The following MYO3A variants were observed in gnomAD, a reference collection of about 807,000 sequenced individuals.
MYO3A encodes the protein myosin-IIIa.
In MYO3A, 180 loss-of-function variants were observed where a neutral mutation model predicts 192.7. The observed-to-expected ratio is 0.93, with a 90% CI of 0.83 to 1.06. The LOEUF (loss-of-function observed/expected upper bound fraction) is 1.06, where lower values mean the gene tolerates loss of function less well. Ranked by LOEUF, MYO3A falls within the 50% of genes least tolerant of loss-of-function variation. The pLI, the probability that MYO3A is intolerant of heterozygous loss-of-function variation, is 0.00. For synonymous variants in MYO3A, 628 were observed against 645.3 expected, an observed-to-expected ratio of 0.97 and a Z score of 0.41; for missense variants, 1,896 against 1,905.0, an observed-to-expected ratio of 1.00 and a Z score of 0.09.
chr10:26,134,541 A>G (rs184694406), intron 20 of MYO3A, among the ~76,000 whole-genome samples: 59 of 152,338 alleles, frequency 3.9e-4, no homozygotes, highest in African/African-American at 1.4e-3. Context: ...ATAGAAAGAG[A>G]GAATGAAAAA....
chr10:25,988,920 A>G (rs531637979), intron 4 of MYO3A, among the ~76,000 whole-genome samples: 11 of 150,692 alleles, frequency 7.3e-5, no homozygotes, highest in African/African-American at 2.7e-4. Context: ...TTAGAAGTTT[A>G]AAACACAGCC....
intron 10 of MYO3A, among the ~76,000 whole-genome samples, chr10:26,045,366 TTAGATAGATAGA>T (rs3057671): frequency 0.033 from 4,708 of 142,666 alleles, 177 homozygotes; most frequent in African/African-American, 0.09. Flanking sequence ...ATGGGTGGCA[TTAGATAGATAGA>T]TAGATAGATA....
chr10:26,088,251 G>T lies in MYO3A; in HGVS notation c.1408G>T (p.Val470Leu). Reference protein sequence around the residue: ...QEKILQVNNLVEAFGNACTII... With the variant: ...QEKILQVNNLLEAFGNACTII... ...GAAGATTTTACAAGTGAACAATTTG[G>T]TAGAAGCCTTTGGCAATGCCTGCAC... Residue 470 changes from valine to leucine, a missense_variant, in exon 15 of 35, where the codon GTA (valine) becomes TTA (leucine). Val to Leu is a conservative substitution (Grantham distance 32). Coordinates refer to ENST00000642920, the MANE Select transcript of MYO3A (RefSeq NM_017433.5). 6.2e-7 allele frequency: 1 copy of T among 1,613,320 alleles called. No homozygotes were observed. The highest frequency in any genetic ancestry group is 1.1e-5 in the South Asian group (1 of 90,968).
At chr10:26,006,438 A>G (rs1183660260) in intron 6 of MYO3A, among the ~76,000 whole-genome samples, 1 of 152,206 alleles carries the variant, frequency 6.6e-6, no homozygotes, top group Non-Finnish European at 1.5e-5. Context: ...TAATGAATCC[A>G]GGAGCTGGTT....
intron 26 of MYO3A, among the ~76,000 whole-genome samples, chr10:26,158,405 A>T (rs939910179): frequency 3.3e-5 from 5 of 151,986 alleles, no homozygotes; most frequent in Admixed American, 6.5e-5. Context: ...GGTGCCCACC[A>T]CCATGCCCAG....
At chr10:26,081,138 C>CCCCCTT (rs1564529085) in intron 14 of MYO3A, among the ~76,000 whole-genome samples, 4 of 105,376 alleles carry the variant, frequency 3.8e-5, no homozygotes, top group African/African-American at 1.2e-4. Context: ...GCCCTTCCCC[C>CCCCCTT]CCCCCCCGCC....
chr10:26,187,409 C>T (rs1011162210), intron 31 of MYO3A, among the ~76,000 whole-genome samples: 1 of 152,254 alleles, frequency 6.6e-6, no homozygotes, highest in African/African-American at 2.4e-5. Flanking sequence ...AAGGTGTCAG[C>T]AAGGTTGTTT....
At chr10:25,999,115 G>C (rs991043488) in intron 6 of MYO3A, among the ~76,000 whole-genome samples, 1 of 152,070 alleles carries the variant, frequency 6.6e-6, no homozygotes, top group Non-Finnish European at 1.5e-5. Context: ...AGCCAGGATG[G>C]TCTCGATCTC....
At chr10:26,036,791 G>C (rs1021281100) in intron 10 of MYO3A, among the ~76,000 whole-genome samples, 1 of 152,170 alleles carries the variant, frequency 6.6e-6, no homozygotes, top group African/African-American at 2.4e-5. Context: ...TATGCATCTT[G>C]ATTCCTCTCC....
intron 14 of MYO3A, among the ~76,000 whole-genome samples, chr10:26,073,652 TAATA>T (rs1023374572): frequency 9.2e-5 from 4 of 43,460 alleles, no homozygotes; most frequent in Admixed American, 1.8e-4. Flanking sequence ...ATAATAATGA[TAATA>T]AATAAATAAA....
chr10:25,953,907 T>G (rs1191036117), intron 3 of MYO3A, among the ~76,000 whole-genome samples: 1 of 152,180 alleles, frequency 6.6e-6, no homozygotes, highest in Admixed American at 6.6e-5. Context: ...CAAGAGATTA[T>G]AATCTTAAAT....
chr10:25,963,494 T>C (rs1207774146), intron 4 of MYO3A, among the ~76,000 whole-genome samples: 1 of 152,088 alleles, frequency 6.6e-6, no homozygotes, highest in Non-Finnish European at 1.5e-5. Context: ...GAGGATAACA[T>C]GTACACAGAA....
chr10:26,043,223 A>G (rs758584538), intron 10 of MYO3A, among the ~76,000 whole-genome samples: 31 of 151,060 alleles, frequency 2.1e-4, no homozygotes, highest in Admixed American at 4.0e-4. Context: ...TGACACAAGC[A>G]CCCTGGTGGC....
intron 7 of MYO3A, 109 bp downstream of exon 7, chr10:26,017,005 C>A: frequency 1.7e-6 from 2 of 1,174,500 alleles, no homozygotes; most frequent in Non-Finnish European, 2.5e-6. Flanking sequence ...AGAAGAAACT[C>A]TCAGTTGTGT....
At chr10:25,992,237 G>A (rs192993646) in intron 4 of MYO3A, among the ~76,000 whole-genome samples, 4 of 152,298 alleles carry the variant, frequency 2.6e-5, no homozygotes, top group African/African-American at 7.2e-5. Context: ...CACATCCCTT[G>A]TAAGTTGGAT....
Position 26,147,569 on chromosome 10 carries a change from T to C in MYO3A, c.2635+10T>C. The C allele has an allele frequency of 6.2e-7, 1 of 1,613,850 alleles. No homozygotes were observed. Among genetic ancestry groups the C allele is most frequent in the African/African-American group, 1.3e-5 (1 of 74,994 alleles). ...CCTCTGACCAAAACAGGTAAGACAA[T>C]TTTCCTTACCTGGAAGTTTTCTGAA... is the stretch of plus-strand genomic sequence containing the variant. On this transcript the variant is annotated intron_variant, in intron 23 of 34. Transcript: ENST00000642920.
intron 4 of MYO3A, among the ~76,000 whole-genome samples, chr10:25,985,073 A>C (rs1839563158): frequency 6.6e-6 from 1 of 152,050 alleles, no homozygotes; most frequent in African/African-American, 2.4e-5. Context: ...CCACGTTTCT[A>C]CTAAAATTCA....
intron 19 of MYO3A, among the ~76,000 whole-genome samples, chr10:26,128,033 A>T (rs1179183933): frequency 6.6e-6 from 1 of 152,064 alleles, no homozygotes; most frequent in Non-Finnish European, 1.5e-5. Flanking sequence ...TTTTTATTGA[A>T]TATGTTTTTG....
At chr10:25,962,781 G>A (rs1329534205) in intron 4 of MYO3A, among the ~76,000 whole-genome samples, 2 of 152,122 alleles carry the variant, frequency 1.3e-5, no homozygotes, top group African/African-American at 4.8e-5. Context: ...CCGGGAGACC[G>A]TAAAACAGAA....
Sources: allele counts gnomAD v4.1 joint callset (sites outside exome capture counted in the v4.1 genomes callset), GRCh38; gene constraint gnomAD v4.1.1; transcripts MANE v1.5; gene names NCBI Gene and HGNC (gene_info 2026-07-23, HGNC 2026-07-21).